The following HIP1 variants were observed in gnomAD, a reference collection of about 807,000 sequenced individuals.
The protein encoded by HIP1 is huntingtin-interacting protein 1.
In HIP1, 65 loss-of-function variants were observed where a neutral mutation model predicts 147.6. That is an observed-to-expected ratio of 0.44 (90% CI 0.36 to 0.54). HIP1 has a LOEUF of 0.54. Ranked by LOEUF, HIP1 falls within the 20% of genes least tolerant of loss-of-function variation. The probability of loss-of-function intolerance (pLI) is 0.00; values close to 1 mark genes in which losing one functional copy is unlikely to be tolerated. For synonymous variants in HIP1, 479 were observed against 504.0 expected (o/e 0.95, Z 0.67); for missense variants, 1,061 against 1,299.6 (o/e 0.82, Z 2.82).
intron 1 of HIP1, among the ~76,000 whole-genome samples, chr7:75,660,785 A>G (rs1315264001): frequency 6.6e-6 from 1 of 152,136 alleles, no homozygotes; most frequent in Non-Finnish European, 1.5e-5. Flanking sequence ...GCAAACAATG[A>G]CAAAAAACCA....
At chr7:75,654,739 G>C (rs983619957) in intron 1 of HIP1, 1 of 152,344 alleles carries the variant, frequency 6.6e-6, no homozygotes, top group Admixed American at 6.5e-5. Flanking sequence ...TTAAACAGGG[G>C]CTGGCCACAG....
intron 1 of HIP1, among the ~76,000 whole-genome samples, chr7:75,619,512 T>A (rs1554506638): frequency 1.3e-5 from 1 of 76,432 alleles, no homozygotes. Context: ...CAAGACTTTG[T>A]CTCAAAAAAA....
intron 29 of HIP1, among the ~76,000 whole-genome samples, chr7:75,541,160 G>T (rs982656817): frequency 1.3e-5 from 2 of 151,986 alleles, no homozygotes; most frequent in African/African-American, 2.4e-5. Flanking sequence ...ACTTTGGAAG[G>T]CCCAGGTGGG....
At chr7:75,639,259 GAGGC>G in intron 1 of HIP1, 1 of 363,746 alleles carries the variant, frequency 2.7e-6, no homozygotes, top group Non-Finnish European at 3.8e-6. Flanking sequence ...AGGGGGAGGG[GAGGC>G]GGCGAGGGGG....
intron 1 of HIP1, among the ~76,000 whole-genome samples, chr7:75,600,435 CA>C (rs1425519331): frequency 3.3e-5 from 5 of 152,072 alleles, no homozygotes; most frequent in African/African-American, 4.8e-5. Context: ...TTTAATTTTG[CA>C]AAGTGCATAT....
Position 75,592,455 on chromosome 7 carries a change from G to A in HIP1, c.244C>T (p.Arg82Cys), listed in dbSNP as rs1229151836. Reference protein sequence around the residue: ...GAQTFWSVVNRLPLSSNAVLC... With the variant: ...GAQTFWSVVNCLPLSSNAVLC... ...ACTGCGTTGCTAGACAGAGGCAGGC[G>A]GTTGACAACAGACCAGAAGGTCTGT... Residue 82 changes from arginine (R) to cysteine (C), a missense_variant, in exon 3 of 31, where the codon CGC (arginine) becomes TGC (cysteine). Transcript: ENST00000336926. 22 of 1,612,328 alleles carry A rather than the reference G, an allele frequency of 1.4e-5. No individual in the cohort carries two copies. Among genetic ancestry groups the A allele is most frequent in the Admixed American group, 8.5e-5 (5 of 59,022 alleles).
intron 1 of HIP1, among the ~76,000 whole-genome samples, chr7:75,622,458 T>C (rs1797874776): frequency 6.6e-6 from 1 of 151,896 alleles, no homozygotes; most frequent in African/African-American, 2.4e-5. Context: ...CCCAGCACTT[T>C]GGGAGTCCAA....
At chr7:75,555,967 C>G (rs587638332) in intron 18 of HIP1, 59 bp downstream of exon 18, 2 of 1,596,556 alleles carry the variant, frequency 1.3e-6, no homozygotes, top group Admixed American at 3.4e-5. Flanking sequence ...TCCGTGCATG[C>G]GCAGAGGCCC....
At chr7:75,548,536 G>A (rs1018983850) in intron 23 of HIP1, among the ~76,000 whole-genome samples, 1 of 151,968 alleles carries the variant, frequency 6.6e-6, no homozygotes, top group Admixed American at 6.6e-5. Context: ...CTAGAGTGCA[G>A]TGGTGCAATC....
chr7:75,738,832 G>A lies in HIP1; in HGVS notation c.89C>T (p.Ala30Val), dbSNP rs782661523. The change falls in exon 1 of 31, where the codon GCG becomes GTG. Residue 30 changes from alanine to valine, a missense_variant. Around this residue, in one of 3 missense-constraint regions of HIP1, gnomAD observed 225 missense variants for 292.9 expected, o/e 0.77. Coordinates refer to ENST00000336926, the MANE Select transcript of HIP1 (RefSeq NM_005338.7). ...SRRGVGAGLE[A>V]AERESFERTQ... ...CCGCTCGAAGCTCTCGCGCTCCGCC[G>A]CCTCCAGCCCAGCGCCGACCCCGCG... The A allele has an allele frequency of 6.3e-7, 1 of 1,597,906 alleles. No individual in the cohort carries two copies. The highest frequency in any genetic ancestry group is 8.5e-7 in the Non-Finnish European group (1 of 1,174,238).
intron 1 of HIP1, among the ~76,000 whole-genome samples, chr7:75,629,726 GAGACGGGTTTTCTCCATGTTGGTC>G (rs1798152222): frequency 6.6e-6 from 1 of 152,006 alleles, no homozygotes; most frequent in African/African-American, 2.4e-5. Flanking sequence ...ATTTTTAGTA[GAGACGGGTTTTCTCCATGTTGGTC>G]AGGATGGTCT....
intron 1 of HIP1, chr7:75,625,729 C>G (rs978550650): frequency 3.3e-5 from 5 of 152,118 alleles, no homozygotes; most frequent in African/African-American, 9.7e-5. Flanking sequence ...GAGGTAGGGA[C>G]TTTTCGGAAA....
chr7:75,723,431 A>G (rs1554521941), intron 1 of HIP1, among the ~76,000 whole-genome samples: 1 of 152,180 alleles, frequency 6.6e-6, no homozygotes, highest in Non-Finnish European at 1.5e-5. Flanking sequence ...GTAGGTGAGA[A>G]TGCAACAGGT....
At chr7:75,697,071 G>A (rs6969373) in intron 1 of HIP1, among the ~76,000 whole-genome samples, 1,783 of 151,944 alleles carry the variant, frequency 0.012, 34 homozygotes, top group African/African-American at 0.041. Flanking sequence ...CAGGCATGCA[G>A]CCTAAGGTGA....
Position 75,592,378 on chromosome 7 carries a change from G to GA in HIP1, c.320_321insT (p.Asn109GlufsTer12). The GA allele has an allele frequency of 6.2e-7, 1 of 1,605,782 alleles. No homozygotes were observed. Among genetic ancestry groups the GA allele is most frequent in the Non-Finnish European group, 8.5e-7 (1 of 1,177,290 alleles). On this transcript the variant is annotated frameshift_variant, in exon 3 of 31. Transcript: ENST00000336926. LOFTEE classifies it high-confidence loss of function. ...CATAGCCCCAGGAACTCACGTTCGG[G>GA]TGTCCATCTCGGAGGAGTTTGTGGA...
chr7:75,675,922 C>T (rs118046095), intron 1 of HIP1, among the ~76,000 whole-genome samples: 5,176 of 152,252 alleles, frequency 0.034, 113 homozygotes, highest in Non-Finnish European at 0.05. Context: ...AATAAATTGT[C>T]GAATAATTCC....
chr7:75,573,576 G>A (rs1349717412), intron 8 of HIP1, among the ~76,000 whole-genome samples, 185 bp downstream of exon 8: 1 of 152,144 alleles, frequency 6.6e-6, no homozygotes, highest in Admixed American at 6.6e-5. Flanking sequence ...GGCTTTACTG[G>A]GGTCACCAAA....
chr7:75,704,583 T>G (rs547502460), intron 1 of HIP1, among the ~76,000 whole-genome samples: 1 of 149,800 alleles, frequency 6.7e-6, no homozygotes, highest in East Asian at 2.0e-4. Flanking sequence ...TTGTTGTTGT[T>G]GTTTGTTTGT....
intron 3 of HIP1, 66 bp downstream of exon 3, chr7:75,592,306 C>A: frequency 6.5e-7 from 1 of 1,546,706 alleles, no homozygotes; most frequent in South Asian, 1.2e-5. Flanking sequence ...GCCTCTGTGG[C>A]CCAGGCAGTC....
Sources: gnomAD v4.1 joint callset for allele counts (sites outside exome capture counted in the v4.1 genomes callset) on GRCh38, gnomAD v4.1.1 for gene constraint, gnomAD v4.1.1 regional missense constraint, MANE v1.5 for transcripts, NCBI Gene and HGNC (gene_info 2026-07-23, HGNC 2026-07-21) for gene names.